Variants in NFIB observed in about 807,000 individuals in gnomAD.
NFIB encodes nuclear factor 1 B-type.
Under a neutral mutation model 61.5 loss-of-function variants are expected in NFIB, and 11 were observed. The ratio of observed to expected loss-of-function variants is 0.18; its 90% confidence interval spans 0.11 to 0.30. The LOEUF is 0.30. Ranked by LOEUF, NFIB falls within the 10% of genes least tolerant of loss-of-function variation. NFIB has a pLI of 1.00. For missense variants in NFIB, 471 were observed against 608.9 expected, an observed-to-expected ratio of 0.77 and a Z score of 2.38; for synonymous variants, 260 against 216.5, an observed-to-expected ratio of 1.20 and a Z score of -1.76.
intron 3 of NFIB, among the ~76,000 whole-genome samples, chr9:14,168,704 T>C (rs534238583): frequency 4.6e-5 from 7 of 152,356 alleles, no homozygotes; most frequent in African/African-American, 1.7e-4. Context: ...CTACAGAGAT[T>C]AGGAAATGAT....
chr9:14,404,151 T>C, the NFIB span, among the ~76,000 whole-genome samples: 15 of 152,214 alleles, frequency 9.9e-5, no homozygotes, highest in Non-Finnish European at 2.1e-4. Context: ...GAGACACTCC[T>C]GTGGTGTGGT....
chr9:14,238,727 T>C (rs891827825), intron 2 of NFIB, among the ~76,000 whole-genome samples: 8 of 152,192 alleles, frequency 5.3e-5, no homozygotes, highest in Non-Finnish European at 1.2e-4. Flanking sequence ...CTCAGTGCTT[T>C]GGAACTTGGT....
At chr9:14,262,404 C>A (rs557421912) in intron 2 of NFIB, among the ~76,000 whole-genome samples, 4 of 152,112 alleles carry the variant, frequency 2.6e-5, no homozygotes, top group African/African-American at 9.7e-5. Flanking sequence ...CGAATACACA[C>A]GAAAACATTT....
chr9:14,347,720 C>T (rs1412685580), intron 1 of NFIB, among the ~76,000 whole-genome samples: 1 of 152,108 alleles, frequency 6.6e-6, no homozygotes, highest in African/African-American at 2.4e-5. Flanking sequence ...AAAGACATTT[C>T]CTTAGGAAAC....
intron 1 of NFIB, among the ~76,000 whole-genome samples, chr9:14,380,742 C>G (rs2061478338): frequency 6.6e-6 from 1 of 152,084 alleles, no homozygotes; most frequent in Admixed American, 6.5e-5. Flanking sequence ...TACATGATCT[C>G]TCATCCACAC....
intron 1 of NFIB, among the ~76,000 whole-genome samples, chr9:14,381,777 G>A (rs551525741): frequency 3.3e-5 from 5 of 152,366 alleles, no homozygotes; most frequent in South Asian, 4.1e-4. Context: ...GGAAATTCAC[G>A]TTTACTAGAA....
intron 6 of NFIB, among the ~76,000 whole-genome samples, chr9:14,130,941 T>C (rs1432117388): frequency 1.3e-5 from 2 of 152,164 alleles, no homozygotes; most frequent in African/African-American, 2.4e-5. Context: ...TGAGGAACTA[T>C]GGCTATGCAT....
At chr9:14,268,205 G>T (rs897422833) in intron 2 of NFIB, among the ~76,000 whole-genome samples, 12 of 151,822 alleles carry the variant, frequency 7.9e-5, no homozygotes, top group African/African-American at 2.9e-4. Flanking sequence ...TAAAAGCCTG[G>T]CTTAAAACGA....
intron 8 of NFIB, among the ~76,000 whole-genome samples, chr9:14,118,775 T>C (rs1276330777): frequency 2.0e-5 from 3 of 150,406 alleles, no homozygotes; most frequent in Non-Finnish European, 4.4e-5. Flanking sequence ...TTTCTTTTTT[T>C]TTTTTTTTTG....
chr9:14,204,748 G>T, intron 2 of NFIB: 1 of 558,708 alleles, frequency 1.8e-6, no homozygotes. Flanking sequence ...AGCTGGTTGT[G>T]TTCCTGCCTG....
At chr9:14,519,708 C>A in the NFIB span, among the ~76,000 whole-genome samples, 2 of 152,152 alleles carry the variant, frequency 1.3e-5, no homozygotes, top group Non-Finnish European at 2.9e-5. Flanking sequence ...GAATAAAACT[C>A]ATCTAATCCT....
the NFIB span, among the ~76,000 whole-genome samples, chr9:14,441,784 C>T: frequency 6.6e-6 from 1 of 152,080 alleles, no homozygotes; most frequent in African/African-American, 2.4e-5. Context: ...TAGTTGCTAT[C>T]CATCCCTAGC....
At chr9:14,280,424 T>C (rs1380426854) in intron 2 of NFIB, among the ~76,000 whole-genome samples, 1 of 152,182 alleles carries the variant, frequency 6.6e-6, no homozygotes. Context: ...TACTTAAATG[T>C]TGCCTTACCA....
At chr9:14,284,802 A>G (rs1023206441) in intron 2 of NFIB, among the ~76,000 whole-genome samples, 2 of 152,348 alleles carry the variant, frequency 1.3e-5, no homozygotes, top group Non-Finnish European at 2.9e-5. Flanking sequence ...TGAGTGGGAT[A>G]GGGAAGATCT....
At chr9:14,374,409 C>G (rs1447992074) in intron 1 of NFIB, among the ~76,000 whole-genome samples, 3 of 152,160 alleles carry the variant, frequency 2.0e-5, no homozygotes, top group Admixed American at 2.0e-4. Flanking sequence ...TCTGTTACTT[C>G]AGTACCAGCA....
intron 1 of NFIB, among the ~76,000 whole-genome samples, chr9:14,345,747 T>C (rs1046463053): frequency 6.6e-6 from 1 of 152,036 alleles, no homozygotes; most frequent in African/African-American, 2.4e-5. Flanking sequence ...TTGAAGGTGG[T>C]TAGGTAAAGA....
intron 2 of NFIB, among the ~76,000 whole-genome samples, chr9:14,195,496 T>C (rs969949843): frequency 1.6e-4 from 24 of 152,268 alleles, no homozygotes; most frequent in African/African-American, 5.8e-4. Flanking sequence ...TAAATTCTAA[T>C]TTTTATTTGA....
chr9:14,152,453 A>T (rs2042969105), intron 4 of NFIB, among the ~76,000 whole-genome samples: 1 of 152,142 alleles, frequency 6.6e-6, no homozygotes, highest in African/African-American at 2.4e-5. Flanking sequence ...GGTACATGCT[A>T]GAAGGAGTAT....
chr9:14,160,129 A>G (rs2043979171), intron 3 of NFIB, among the ~76,000 whole-genome samples: 1 of 152,248 alleles, frequency 6.6e-6, no homozygotes, highest in Non-Finnish European at 1.5e-5. Context: ...TTTAAAAAAA[A>G]TAAAATTGAG....
Sources: allele counts gnomAD v4.1 joint callset (sites outside exome capture counted in the v4.1 genomes callset), GRCh38; gene constraint gnomAD v4.1.1; transcripts MANE v1.5; gene names NCBI Gene and HGNC (gene_info 2026-07-23, HGNC 2026-07-21).